Variants in TCF7 observed in about 807,000 individuals in gnomAD.
TCF7 encodes transcription factor 7.
A neutral mutation model predicts 46.8 loss-of-function variants in TCF7; 19 were observed. The ratio of observed to expected loss-of-function variants is 0.41; its 90% confidence interval spans 0.28 to 0.60. The LOEUF (loss-of-function observed/expected upper bound fraction) is 0.60. Among genes scored for constraint, TCF7 ranks in the 20% least tolerant of loss-of-function variants. The pLI is 0.35. For missense variants in TCF7, 547 were observed against 504.6 expected (o/e 1.08, Z -0.81); for synonymous variants, 245 against 213.4 (o/e 1.15, Z -1.29).
In TCF7 at chr5:134,115,974, C is replaced by T. The variant is rs1485353087; in HGVS notation, c.382C>T (p.Leu128Phe). Residue 128 changes from leucine (L) to phenylalanine (F), a missense_variant, in exon 3 of 10, where the codon CTC (leucine) becomes TTC (phenylalanine). By Grantham distance (22) the Leu-to-Phe change is conservative. Around this residue, in one of 3 missense-constraint regions of TCF7, gnomAD observed 425 missense variants for 349.9 expected, o/e 1.21. Transcript: ENST00000342854. The stretch of plus-strand genomic sequence containing the variant: ...GACCGTCTACTCCGCCTTCAATCTG[C>T]TCATGCATTACCCACCCCCCTCGGG... ...KETVYSAFNL[L>F]MHYPPPSGAG... is the part of the protein sequence containing the mutation. The T allele has an allele frequency of 6.2e-7, 1 of 1,614,028 alleles. No individual in the cohort carries two copies.
chr5:134,120,325 T>G (rs918650772), intron 3 of TCF7, among the ~76,000 whole-genome samples: 2 of 152,090 alleles, frequency 1.3e-5, no homozygotes, highest in African/African-American at 4.8e-5. Flanking sequence ...AGTCCAGGCT[T>G]CACGTAGCAG....
chr5:134,135,423 A>G (rs1318906381), intron 3 of TCF7, among the ~76,000 whole-genome samples: 1 of 152,214 alleles, frequency 6.6e-6, no homozygotes, highest in Non-Finnish European at 1.5e-5. Flanking sequence ...GCAGTCATCC[A>G]GGTGCAAAGT....
intron 8 of TCF7, 92 bp from the exon 9 acceptor site, chr5:134,143,500 G>A: frequency 6.5e-7 from 1 of 1,533,222 alleles, no homozygotes; most frequent in Non-Finnish European, 9.0e-7. Flanking sequence ...TGTACGCCCA[G>A]AATCCCAGGG....
Position 134,146,344 on chromosome 5 carries a change from C to G in TCF7, c.*41C>G. ...CAGCTCCCCAGGACTCACCCTCATA[C>G]CATCTGCTGCCCCGCTTCCCCACAG... On this transcript the variant is annotated 3_prime_UTR_variant, in exon 10 of 10. Transcript: ENST00000342854. 6.2e-7 allele frequency: 1 copy of G among 1,607,670 alleles called. No homozygotes were observed. The highest frequency in any genetic ancestry group is 8.5e-7 in the Non-Finnish European group (1 of 1,174,200).
At position 134,148,001 on chromosome 5, in the gene TCF7, C is replaced by CT. The variant is rs1300003975; in HGVS notation, c.*1699dup. 7.3e-6 allele frequency: 1 copy of CT among 136,850 alleles called. No individual in the cohort carries two copies. The highest frequency in any genetic ancestry group is 2.2e-4 in the East Asian group (1 of 4,532). 8.5% of individuals were successfully genotyped at this position (136,850 alleles called of 1,614,324 possible). Reference sequence around the variant, plus strand: ...AAAAAAAAAAAAAAAAAAAAAAGGGCTGTCCATGTATTCACACACCCCTCA... The same window carrying CT: ...AAAAAAAAAAAAAAAAAAAAAAGGGCTTGTCCATGTATTCACACACCCCTCA... On this transcript the variant is annotated 3_prime_UTR_variant, in exon 10 of 10. Coordinates refer to ENST00000342854, the MANE Select transcript of TCF7 (RefSeq NM_003202.5).
intron 6 of TCF7, 105 bp from the exon 7 acceptor site, chr5:134,142,616 T>C (rs1301663167): frequency 2.8e-6 from 4 of 1,430,142 alleles, no homozygotes; most frequent in African/African-American, 2.9e-5. Flanking sequence ...TAGAAAACTC[T>C]GGTATCATAC....
At chr5:134,113,968 G>C (rs945719169), upstream of TCF7, among the ~76,000 whole-genome samples, 2 of 152,174 alleles carry the variant, frequency 1.3e-5, no homozygotes, top group Admixed American at 6.5e-5. Context: ...ACCGAGTTGG[G>C]AGAGTCATAG....
intron 6 of TCF7, 120 bp from the exon 7 acceptor site, chr5:134,142,601 C>T: frequency 2.2e-6 from 3 of 1,334,366 alleles, no homozygotes; most frequent in Non-Finnish European, 3.0e-6. Flanking sequence ...AGGAAAGATT[C>T]CACTTAGAAA....
intron 5 of TCF7, chr5:134,141,087 A>G: frequency 3.3e-6 from 1 of 303,572 alleles, no homozygotes; most frequent in Non-Finnish European, 6.5e-6. Context: ...CCTGGGCCAC[A>G]CCGTGCAGCA....
At chr5:134,122,241 C>T (rs574439357) in intron 3 of TCF7, among the ~76,000 whole-genome samples, 26 of 152,138 alleles carry the variant, frequency 1.7e-4, no homozygotes, top group Admixed American at 4.6e-4. Flanking sequence ...GAGGGATGGC[C>T]GGGAATTTAG....
rs572709311 is a variant in TCF7 at position 134,120,447 on chromosome 5, T to C, written c.441+4414T>C. Reference sequence around the variant, plus strand: ...GTCGAAGCCACTCATCACAGCCGAGTGCCTGGGTGGCCCCCGCCAGCCGCC... The same window carrying C: ...GTCGAAGCCACTCATCACAGCCGAGCGCCTGGGTGGCCCCCGCCAGCCGCC... On this transcript the variant is annotated intron_variant, in intron 3 of 9. Transcript: ENST00000342854. Among the ~76,000 whole-genome samples the C allele has an allele frequency of 7.3e-4, 111 of 152,268 alleles. 1 individual carries two copies. The highest frequency in any genetic ancestry group is 1.1e-3 in the Non-Finnish European group (74 of 68,008).
chr5:134,110,585 G>T (rs983855335), upstream of TCF7, among the ~76,000 whole-genome samples: 2 of 152,262 alleles, frequency 1.3e-5, no homozygotes, highest in Non-Finnish European at 2.9e-5. Flanking sequence ...ACCTGTAACC[G>T]GGTTTTGCCC....
At position 134,115,913 on chromosome 5, in the gene TCF7, G is replaced by A. The variant is rs747504558; in HGVS notation, c.321G>A (p.Leu107=). The change falls in exon 3 of 10, where the codon CTG becomes CTA. Residue 107 remains leucine (L), a synonymous_variant. Coordinates refer to ENST00000342854, the MANE Select transcript of TCF7 (RefSeq NM_003202.5). ...DKLPEPLEDG[L]KAPECTSGMY... ...ACCCAGCTGTGGTTTTTCCAGGCCT[G>A]AAGGCCCCGGAGTGCACCAGCGGCA... 2.5e-6 allele frequency: 4 copies of A among 1,613,816 alleles called. No homozygotes were observed. The highest frequency in any genetic ancestry group is 3.3e-5 in the Admixed American group (2 of 60,006).
chr5:134,117,089 T>C (rs1755935868), intron 3 of TCF7, among the ~76,000 whole-genome samples: 1 of 152,280 alleles, frequency 6.6e-6, no homozygotes, highest in South Asian at 2.1e-4. Flanking sequence ...TATAGGCTTC[T>C]TTCCAGAAGC....
intron 2 of TCF7, 139 bp downstream of exon 2, chr5:134,115,526 T>G: frequency 1.4e-6 from 2 of 1,441,764 alleles, no homozygotes; most frequent in Admixed American, 2.7e-5. Flanking sequence ...GGGTGGAGAG[T>G]GGGGGGCGGG....
intron 3 of TCF7, among the ~76,000 whole-genome samples, chr5:134,121,674 G>A (rs1477480666): frequency 2.6e-5 from 4 of 151,868 alleles, no homozygotes; most frequent in African/African-American, 4.8e-5. Context: ...TTCTTGCCAC[G>A]ATGCCACAGG....
At chr5:134,116,246 T>C (rs1004497240) in intron 3 of TCF7, among the ~76,000 whole-genome samples, 1 of 152,254 alleles carries the variant, frequency 6.6e-6, no homozygotes, top group Non-Finnish European at 1.5e-5. Context: ...GCCCTCTGCC[T>C]CTTGGCTTTT....
intron 9 of TCF7, chr5:134,144,990 A>T: frequency 1.2e-6 from 1 of 869,164 alleles, no homozygotes; most frequent in Non-Finnish European, 1.9e-6. Context: ...TACTCAGCAG[A>T]TTGGGAGCCC....
At chr5:134,118,383 C>G (rs1014708680) in intron 3 of TCF7, among the ~76,000 whole-genome samples, 2 of 152,176 alleles carry the variant, frequency 1.3e-5, no homozygotes, top group Non-Finnish European at 2.9e-5. Context: ...TCTGAGGGCA[C>G]CTATGTGGTC....
Sources: allele counts gnomAD v4.1 joint callset (sites outside exome capture counted in the v4.1 genomes callset), GRCh38; gene constraint gnomAD v4.1.1; regional missense constraint gnomAD v4.1.1; transcripts MANE v1.5; gene names NCBI Gene and HGNC (gene_info 2026-07-23, HGNC 2026-07-21).